IGF2BP1: variants seen among roughly 807,000 people sequenced by gnomAD.
IGF2BP1 encodes insulin-like growth factor 2 mRNA-binding protein 1.
IGF2BP1 carries 11 observed loss-of-function variants against 74.9 expected under a neutral mutation model. The ratio of observed to expected loss-of-function variants is 0.15; its 90% CI spans 0.09 to 0.24. The LOEUF (loss-of-function observed/expected upper bound fraction) is 0.24. IGF2BP1 is among the 10% of genes least tolerant of loss of function. IGF2BP1 has a pLI of 1.00. For synonymous variants in IGF2BP1, 287 were observed against 281.8 expected (o/e 1.02, Z -0.18); for missense variants, 440 against 757.4 (o/e 0.58, Z 4.92).
chr17:49,045,855 T>C, intron 12 of IGF2BP1, 35 bp from the exon 13 acceptor site: 1 of 1,606,852 alleles, frequency 6.2e-7, no homozygotes, highest in Non-Finnish European at 8.5e-7. Context: ...CACAGATATA[T>C]GAACCACTGA....
chr17:49,025,693 G>A, intron 3 of IGF2BP1, 27 bp downstream of exon 3: 1 of 1,604,084 alleles, frequency 6.2e-7, no homozygotes, highest in African/African-American at 1.3e-5. Context: ...AACTCTAAAT[G>A]GAGTGGGATA....
chr17:49,043,611 G>A (rs905825794), intron 10 of IGF2BP1, 61 bp downstream of exon 10: 4 of 1,578,716 alleles, frequency 2.5e-6, no homozygotes, highest in East Asian at 2.3e-5. Context: ...CCTTAAGGGG[G>A]ACTCAGCATG....
At chr17:49,020,515 A>G (rs1446522293) in intron 2 of IGF2BP1, among the ~76,000 whole-genome samples, 3 of 152,258 alleles carry the variant, frequency 2.0e-5, no homozygotes, top group African/African-American at 7.2e-5. Flanking sequence ...AACCACAGCC[A>G]GAATTTGAAC....
In IGF2BP1 at chr17:49,038,309, A is replaced by T. The variant is rs1410334719; in HGVS notation, c.543A>T (p.Ser181=). The change falls in exon 6 of 15, where the codon TCA becomes TCT. Residue 181 remains serine (S), a synonymous_variant. Coordinates refer to ENST00000290341, the MANE Select transcript of IGF2BP1 (RefSeq NM_006546.4). The part of the protein sequence containing the change: ...FGSRGQPRQG[S]PVAAGAPAKQ... ...CTCGGGGTCAGCCCCGCCAGGGCTC[A>T]CCTGTGGCAGCGGGGGCCCCAGCCA... 2 of 1,605,870 alleles carry T rather than the reference A, an allele frequency of 1.2e-6. No homozygotes were observed. Among genetic ancestry groups the T allele is most frequent in the Non-Finnish European group, 1.7e-6 (2 of 1,176,494 alleles).
intron 4 of IGF2BP1, among the ~76,000 whole-genome samples, 174 bp downstream of exon 4, chr17:49,026,691 T>TCCTG (rs1446537835): frequency 6.9e-6 from 1 of 144,922 alleles, no homozygotes; most frequent in South Asian, 2.3e-4. Context: ...CTTCCTGCCT[T>TCCTG]CCTGCCTTCC....
At chr17:48,998,689 G>T (rs1383434390) in intron 1 of IGF2BP1, among the ~76,000 whole-genome samples, 2 of 151,816 alleles carry the variant, frequency 1.3e-5, no homozygotes, top group Middle Eastern at 3.4e-3. Flanking sequence ...CGTCTTCCTG[G>T]CCAACAGAGA....
intron 2 of IGF2BP1, among the ~76,000 whole-genome samples, chr17:49,008,863 C>G (rs1361796826): frequency 6.6e-6 from 1 of 151,708 alleles, no homozygotes; most frequent in Admixed American, 6.6e-5. Context: ...ATTGGTACTT[C>G]TGATGTATTC....
At chr17:49,000,940 TAA>T (rs11455355) in intron 2 of IGF2BP1, among the ~76,000 whole-genome samples, 1 of 146,204 alleles carries the variant, frequency 6.8e-6, no homozygotes. Flanking sequence ...GAAGACTGGG[TAA>T]AAAAAAAAAA....
At chr17:49,043,167 G>A (rs1387253449) in intron 9 of IGF2BP1, among the ~76,000 whole-genome samples, 2 of 152,210 alleles carry the variant, frequency 1.3e-5, no homozygotes, top group Non-Finnish European at 2.9e-5. Flanking sequence ...AAGGACTCCT[G>A]AGGGTGTACA....
At chr17:49,007,208 G>C (rs137903264) in intron 2 of IGF2BP1, among the ~76,000 whole-genome samples, 36 of 152,260 alleles carry the variant, frequency 2.4e-4, no homozygotes, top group African/African-American at 7.9e-4. Context: ...CCTGCTCTTG[G>C]TAAGCTAACA....
chr17:49,019,102 G>A (rs1449632601), intron 2 of IGF2BP1, among the ~76,000 whole-genome samples: 1 of 152,098 alleles, frequency 6.6e-6, no homozygotes, highest in East Asian at 1.9e-4. Flanking sequence ...GGTGAGGGAG[G>A]CCATAAACAT....
chr17:49,022,471 C>T lies in IGF2BP1; in HGVS notation c.237-3147C>T, dbSNP rs911969133. 3.9e-5 allele frequency among the ~76,000 whole-genome samples: 6 copies of T among 152,206 alleles called. No homozygotes were observed. The South Asian group carries it at 1.2e-3, about 32-fold the overall frequency. On this transcript the variant is annotated intron_variant, in intron 2 of 14. Transcript: ENST00000290341. ...GGCTGGGGGCTTTGTTGAAAGGAGG[C>T]AGCCTGGAGGGGCCTGGAGTGGGTT...
chr17:49,036,437 T>G (rs77247723), intron 5 of IGF2BP1: 2 of 151,616 alleles, frequency 1.3e-5, no homozygotes, highest in Admixed American at 1.3e-4. Context: ...CGCAAATTTG[T>G]GAAGCGTTCC....
At chr17:49,020,811 T>C (rs1169564674) in intron 2 of IGF2BP1, among the ~76,000 whole-genome samples, 1 of 152,088 alleles carries the variant, frequency 6.6e-6, no homozygotes, top group Non-Finnish European at 1.5e-5. Context: ...ATATTGAACA[T>C]TGACTAGGTA....
chr17:49,014,401 C>T (rs2041665686), intron 2 of IGF2BP1, among the ~76,000 whole-genome samples: 1 of 151,674 alleles, frequency 6.6e-6, no homozygotes. Context: ...GTGTTCACCG[C>T]CTAGGTTCTC....
chr17:49,026,945 G>A (rs755456971), intron 4 of IGF2BP1, among the ~76,000 whole-genome samples: 1 of 152,164 alleles, frequency 6.6e-6, no homozygotes, highest in Admixed American at 6.5e-5. Flanking sequence ...GTTTCACCAC[G>A]TTGGCCAGGA....
At chr17:49,014,807 G>T in intron 2 of IGF2BP1, 2 of 985,406 alleles carry the variant, frequency 2.0e-6, no homozygotes, top group Non-Finnish European at 2.4e-6. Context: ...GGAGCACGGG[G>T]ATGTCTGCCG....
chr17:49,049,511 G>C lies in IGF2BP1; in HGVS notation c.*67G>C. ...CAGAAATCGAGAGTGTGCTCTCCCC[G>C]GCAGGCCTGAGAATGAGTGGGAATC... On this transcript the variant is annotated 3_prime_UTR_variant, in exon 15 of 15. Coordinates refer to ENST00000290341, the MANE Select transcript of IGF2BP1 (RefSeq NM_006546.4). 2.4e-5 allele frequency: 33 copies of C among 1,389,708 alleles called. No individual in the cohort carries two copies. Among genetic ancestry groups the C allele is most frequent in the Non-Finnish European group, 3.3e-5 (33 of 989,410 alleles). The allele number at this position is 1,389,708 out of a possible 1,614,324, so 86.1% of individuals were successfully genotyped here.
chr17:49,004,404 A>G (rs1051039121), intron 2 of IGF2BP1, among the ~76,000 whole-genome samples: 2 of 152,202 alleles, frequency 1.3e-5, no homozygotes, highest in African/African-American at 4.8e-5. Flanking sequence ...TGTGAAGTGA[A>G]AAGAGGCAAG....
Sources: allele counts gnomAD v4.1 joint callset (sites outside exome capture counted in the v4.1 genomes callset), GRCh38; gene constraint gnomAD v4.1.1; transcripts MANE v1.5; gene names NCBI Gene and HGNC (gene_info 2026-07-23, HGNC 2026-07-21).